The following TMEM131L variants were observed in gnomAD, a reference collection of about 807,000 sequenced individuals.
TMEM131L encodes transmembrane 131 like.
In TMEM131L, 54 loss-of-function variants were observed where a neutral mutation model predicts 192.2. That is an observed-to-expected ratio of 0.28 (90% CI 0.23 to 0.35). The LOEUF (loss-of-function observed/expected upper bound fraction) is 0.35, where lower values mean the gene tolerates loss of function less well. Among genes scored for constraint, TMEM131L ranks in the 10% least tolerant of loss-of-function variants. TMEM131L has a pLI of 1.00. For synonymous variants in TMEM131L, 701 were observed against 704.9 expected, an observed-to-expected ratio of 0.99 and a Z score of 0.09; for missense variants, 1,888 against 1,972.9, an observed-to-expected ratio of 0.96 and a Z score of 0.82.
At chr4:153,621,980 C>T (rs1435354762) in intron 28 of TMEM131L, 131 bp downstream of exon 28, 2 of 876,326 alleles carry the variant, frequency 2.3e-6, no homozygotes, top group African/African-American at 1.7e-5. Flanking sequence ...AACTAAAGCC[C>T]CAGTGGAAAG....
chr4:153,583,229 A>G lies in TMEM131L; in HGVS notation c.932A>G (p.Asn311Ser). ...AATATGTATATATTACATTCAGGAA[A>G]CAGCCTTATATGGATACAGGTAATT... Reference protein sequence around the residue: ...AVNMYILHSGNSLIWIQDIRH... With the variant: ...AVNMYILHSGSSLIWIQDIRH... The change falls in exon 10 of 35, where the codon AAC becomes AGC. Residue 311 changes from asparagine to serine, a missense_variant. Transcript: ENST00000409959. The G allele has an allele frequency of 1.4e-6, 2 of 1,456,772 alleles. No homozygotes were observed. The highest frequency in any genetic ancestry group is 1.9e-6 in the Non-Finnish European group (2 of 1,036,878). The allele number at this position is 1,456,772 out of a possible 1,614,324, so 90.2% of individuals were successfully genotyped here.
In TMEM131L at chr4:153,603,994, G is replaced by A. The variant is rs201234504; in HGVS notation, c.2982G>A (p.Ala994=). Residue 994 remains alanine, a synonymous_variant, in exon 25 of 35, where the codon GCG becomes GCA. Coordinates refer to ENST00000409959, the MANE Select transcript of TMEM131L (RefSeq NM_001131007.2). Reference sequence around the variant, plus strand: ...GTAAACACAAAACCAGCACAGCTGCGGCCAGCAGCACCAGCACGACTACTG... The same window carrying A: ...GTAAACACAAAACCAGCACAGCTGCAGCCAGCAGCACCAGCACGACTACTG... ...YYSKHKTSTA[A]ASSTSTTTEE... 138 of 1,613,904 alleles carry A rather than the reference G, an allele frequency of 8.6e-5. No individual in the cohort carries two copies. Among genetic ancestry groups the A allele is most frequent in the Non-Finnish European group, 1.1e-4 (126 of 1,180,000 alleles).
At chr4:153,579,189 C>T (rs1228438840) in intron 7 of TMEM131L, among the ~76,000 whole-genome samples, 1 of 151,486 alleles carries the variant, frequency 6.6e-6, no homozygotes, top group Non-Finnish European at 1.5e-5. Context: ...GGTGAAGCTC[C>T]GTCTCTATAA....
chr4:153,496,189 A>C (rs1180311287), intron 3 of TMEM131L, among the ~76,000 whole-genome samples: 1 of 152,260 alleles, frequency 6.6e-6, no homozygotes, highest in Admixed American at 6.5e-5. Flanking sequence ...AAAGGTATCA[A>C]ATTATCCTTG....
intron 3 of TMEM131L, among the ~76,000 whole-genome samples, chr4:153,516,103 T>C (rs1254208836): frequency 6.6e-6 from 1 of 152,150 alleles, no homozygotes; most frequent in Admixed American, 6.5e-5. Context: ...AAATGGTATG[T>C]TATTTTTATA....
intron 28 of TMEM131L, among the ~76,000 whole-genome samples, chr4:153,622,223 C>G (rs968542900): frequency 6.6e-6 from 1 of 152,190 alleles, no homozygotes; most frequent in Admixed American, 6.5e-5. Context: ...GCTGCTGCCC[C>G]ACCCAAGGCC....
At chr4:153,590,836 TG>T (rs954443213) in intron 16 of TMEM131L, among the ~76,000 whole-genome samples, 5 of 151,998 alleles carry the variant, frequency 3.3e-5, no homozygotes, top group African/African-American at 1.2e-4. Flanking sequence ...CATGTTCTGT[TG>T]TTTGAGTGCT....
At chr4:153,589,709 T>C (rs1730940023) in intron 16 of TMEM131L, among the ~76,000 whole-genome samples, 1 of 152,256 alleles carries the variant, frequency 6.6e-6, no homozygotes, top group Admixed American at 6.5e-5. Flanking sequence ...TAGTGATCGA[T>C]ACTTCTCTCC....
chr4:153,620,904 A>T (rs914139302), intron 27 of TMEM131L, 24 bp downstream of exon 27: 1 of 1,554,802 alleles, frequency 6.4e-7, no homozygotes, highest in South Asian at 1.2e-5. Flanking sequence ...ACTATCTCTA[A>T]TATTTTGATC....
Position 153,537,990 on chromosome 4 carries a change from T to G in TMEM131L, c.240-12083T>G, listed in dbSNP as rs978938257. On this transcript the variant is annotated intron_variant, in intron 3 of 34. Coordinates refer to ENST00000409959, the MANE Select transcript of TMEM131L (RefSeq NM_001131007.2). ...AGAACTCTGCAGTTTCACACAACACTGAACAACTTTAAGTAGAGCGGGAAC... is the reference window on the plus strand; with the variant it reads ...AGAACTCTGCAGTTTCACACAACACGGAACAACTTTAAGTAGAGCGGGAAC... 2.6e-5 allele frequency among the ~76,000 whole-genome samples: 4 copies of G among 152,324 alleles called. No individual in the cohort carries two copies. The South Asian group carries it at 8.3e-4, about 32-fold the overall frequency.
chr4:153,609,307 T>A (rs1732454933), intron 25 of TMEM131L, among the ~76,000 whole-genome samples: 1 of 152,116 alleles, frequency 6.6e-6, no homozygotes, highest in Non-Finnish European at 1.5e-5. Context: ...GGGGAAGTGC[T>A]ACACACTTTT....
chr4:153,632,521 G>A (rs1176874435), intron 31 of TMEM131L, 197 bp from the exon 32 acceptor site: 8 of 575,058 alleles, frequency 1.4e-5, no homozygotes, highest in African/African-American at 5.7e-5. Flanking sequence ...AGAGACAATC[G>A]GACACTGTCT....
chr4:153,612,067 T>A (rs1321825220), intron 25 of TMEM131L, among the ~76,000 whole-genome samples, 185 bp from the exon 26 acceptor site: 1 of 152,210 alleles, frequency 6.6e-6, no homozygotes, highest in African/African-American at 2.4e-5. Flanking sequence ...TTTGTAGAAC[T>A]CTTAATATAA....
chr4:153,536,219 AGAGGGAGT>A (rs2150288835), intron 3 of TMEM131L, among the ~76,000 whole-genome samples: 1 of 152,300 alleles, frequency 6.6e-6, no homozygotes, highest in South Asian at 2.1e-4. Flanking sequence ...CTGATGGGGC[AGAGGGAGT>A]GAGGGCCTGT....
chr4:153,515,681 C>T (rs1052504500), intron 3 of TMEM131L, among the ~76,000 whole-genome samples: 36 of 152,100 alleles, frequency 2.4e-4, no homozygotes, highest in African/African-American at 8.7e-4. Flanking sequence ...TGTACCATAC[C>T]TTACTTTTCA....
intron 7 of TMEM131L, among the ~76,000 whole-genome samples, chr4:153,566,648 T>C (rs115442447): frequency 1.0e-3 from 159 of 152,182 alleles, no homozygotes; most frequent in African/African-American, 3.6e-3. Flanking sequence ...TAAGAAAACA[T>C]GGGAAACCCA....
intron 13 of TMEM131L, 76 bp from the exon 14 acceptor site, chr4:153,586,133 A>T: frequency 1.9e-6 from 2 of 1,058,502 alleles, no homozygotes; most frequent in Non-Finnish European, 2.7e-6. Flanking sequence ...GAAGAATGTT[A>T]GCATCATACT....
intron 3 of TMEM131L, among the ~76,000 whole-genome samples, chr4:153,501,675 G>A (rs560896186): frequency 1.4e-4 from 21 of 152,248 alleles, no homozygotes; most frequent in Admixed American, 9.2e-4. Flanking sequence ...GTTAGGATTA[G>A]GACCAGTTTC....
At chr4:153,625,280 G>A (rs370217695) in intron 29 of TMEM131L, among the ~76,000 whole-genome samples, 1 of 152,108 alleles carries the variant, frequency 6.6e-6, no homozygotes, top group East Asian at 1.9e-4. Context: ...GCGTGGTGAC[G>A]AGCGCCTGCA....
Sources: allele counts gnomAD v4.1 joint callset (sites outside exome capture counted in the v4.1 genomes callset), GRCh38; gene constraint gnomAD v4.1.1; transcripts MANE v1.5; gene names NCBI Gene and HGNC (gene_info 2026-07-23, HGNC 2026-07-21).